Variants in PPP6R3 observed in about 807,000 individuals in gnomAD.
PPP6R3 encodes serine/threonine-protein phosphatase 6 regulatory subunit 3.
PPP6R3 carries 38 observed loss-of-function variants against 110.7 expected under a neutral mutation model. The ratio of observed to expected loss-of-function variants is 0.34; its 90% CI spans 0.26 to 0.45. The LOEUF (loss-of-function observed/expected upper bound fraction) is 0.45. Among genes scored for constraint, PPP6R3 ranks in the 20% least tolerant of loss-of-function variants. The pLI is 1.00. For synonymous variants in PPP6R3, 369 were observed against 373.5 expected, an observed-to-expected ratio of 0.99 and a Z score of 0.14; for missense variants, 870 against 1,062.4, an observed-to-expected ratio of 0.82 and a Z score of 2.52.
At chr11:68,580,746 C>CTTTTTTTTTTTTTTTTTTTTTTTTTT (rs71043441) in intron 14 of PPP6R3, among the ~76,000 whole-genome samples, 1 of 67,476 alleles carries the variant, frequency 1.5e-5, no homozygotes, top group Admixed American at 2.4e-4. Context: ...GGTAAATAAT[C>CTTTTTTTTTTTTTTTTTTTTTTTTTT]TTTTTTTTTT....
chr11:68,527,057 C>G (rs1377965637), intron 2 of PPP6R3, among the ~76,000 whole-genome samples: 1 of 152,142 alleles, frequency 6.6e-6, no homozygotes, highest in Non-Finnish European at 1.5e-5. Context: ...CATTTGCCTT[C>G]TGAGGGTTGT....
chr11:68,541,347 G>A, intron 3 of PPP6R3, among the ~76,000 whole-genome samples: 1 of 152,174 alleles, frequency 6.6e-6, no homozygotes, highest in Non-Finnish European at 1.5e-5. Flanking sequence ...GCAGTGATCA[G>A]CAGAGAAAAA....
Position 68,551,150 on chromosome 11 carries a change from G to C in PPP6R3, c.582G>C (p.Arg194Ser). Residue 194 changes from arginine to serine, a missense_variant, in exon 6 of 24, where the codon AGG becomes AGC. Physicochemically the swap from Arg to Ser is moderately radical, Grantham distance 110 (BLOSUM62 -1). Coordinates refer to ENST00000393800, the MANE Select transcript of PPP6R3 (RefSeq NM_001164161.2). ...NWLNEEKIIQRLVEIVHPSQE... is the reference protein window; with the variant it reads ...NWLNEEKIIQSLVEIVHPSQE... ...TAAATGAGGAGAAAATTATCCAGAG[G>C]CTTGTGGAAATAGTTCATCCATCGC... 1 of 1,611,384 alleles carries C rather than the reference G, an allele frequency of 6.2e-7. No individual in the cohort carries two copies. The highest frequency in any genetic ancestry group is 8.5e-7 in the Non-Finnish European group (1 of 1,178,144).
At chr11:68,506,783 T>C (rs558169171) in intron 1 of PPP6R3, among the ~76,000 whole-genome samples, 1 of 152,324 alleles carries the variant, frequency 6.6e-6, no homozygotes, top group East Asian at 1.9e-4. Flanking sequence ...AATAACCATT[T>C]GATTGCCAAG....
chr11:68,548,040 T>G, intron 4 of PPP6R3, 27 bp from the exon 5 acceptor site: 1 of 1,599,260 alleles, frequency 6.3e-7, no homozygotes, highest in Non-Finnish European at 8.5e-7. Flanking sequence ...TTACATGTCT[T>G]TCAGTTTCTG....
At chr11:68,475,068 T>C (rs1457830365) in intron 1 of PPP6R3, among the ~76,000 whole-genome samples, 1 of 152,320 alleles carries the variant, frequency 6.6e-6, no homozygotes, top group South Asian at 2.1e-4. Context: ...TGCGGCCCTC[T>C]GCAGTGTTTG....
chr11:68,565,814 T>C (rs2099462719), intron 9 of PPP6R3, among the ~76,000 whole-genome samples: 1 of 151,134 alleles, frequency 6.6e-6, no homozygotes, highest in South Asian at 2.1e-4. Flanking sequence ...CTGGTTTTAC[T>C]GTATGATGTG....
intron 8 of PPP6R3, among the ~76,000 whole-genome samples, chr11:68,560,956 G>C (rs1479558641): frequency 6.8e-6 from 1 of 146,770 alleles, no homozygotes; most frequent in East Asian, 2.0e-4. Context: ...GAGTGCAGTG[G>C]TGCGATCTCG....
intron 1 of PPP6R3, among the ~76,000 whole-genome samples, chr11:68,490,188 C>G (rs1219830768): frequency 6.6e-6 from 1 of 152,024 alleles, no homozygotes; most frequent in Non-Finnish European, 1.5e-5. Flanking sequence ...TTGAAGGATA[C>G]TTTTTCAGGG....
intron 1 of PPP6R3, among the ~76,000 whole-genome samples, chr11:68,516,364 A>G (rs565530073): frequency 6.6e-6 from 1 of 152,332 alleles, no homozygotes; most frequent in African/African-American, 2.4e-5. Context: ...CACACAATAC[A>G]CAGTTAATTT....
At chr11:68,527,973 A>G (rs1433387400) in intron 2 of PPP6R3, among the ~76,000 whole-genome samples, 1 of 152,126 alleles carries the variant, frequency 6.6e-6, no homozygotes, top group Non-Finnish European at 1.5e-5. Flanking sequence ...GGCTCAACTT[A>G]GGCTTGATAT....
chr11:68,512,191 A>G (rs2153538230), intron 1 of PPP6R3, among the ~76,000 whole-genome samples: 1 of 152,350 alleles, frequency 6.6e-6, no homozygotes, highest in African/African-American at 2.4e-5. Context: ...CCATAACAAA[A>G]TATCATAGGC....
rs1164439778 is a variant in PPP6R3 at position 68,493,638 on chromosome 11, A to T, written c.-157-25863A>T. 8.8e-5 allele frequency among the ~76,000 whole-genome samples: 11 copies of T among 125,660 alleles called. No homozygotes were observed. The South Asian group carries it at 8.9e-4, about 10-fold the overall frequency. The allele number at this position is 125,660 out of a possible 152,430, so 82.4% of individuals were successfully genotyped here. On this transcript the variant is annotated intron_variant, in intron 1 of 23. Transcript: ENST00000393800. ...AACCATATATATATATATATATATAAAATATATATACAAAAAAATACACAC... is the reference window on the plus strand; with the variant it reads ...AACCATATATATATATATATATATATAATATATATACAAAAAAATACACAC...
chr11:68,562,219 A>G (rs1375299688), intron 8 of PPP6R3, among the ~76,000 whole-genome samples: 4 of 152,246 alleles, frequency 2.6e-5, no homozygotes, highest in African/African-American at 9.6e-5. Context: ...AAAAGAAAAT[A>G]CTAAGATACA....
chr11:68,461,255 C>G (rs2098704030), intron 1 of PPP6R3, among the ~76,000 whole-genome samples: 1 of 151,846 alleles, frequency 6.6e-6, no homozygotes, highest in African/African-American at 2.4e-5. Context: ...CCGGGGGCCT[C>G]GGGGAGCGCG....
intron 1 of PPP6R3, among the ~76,000 whole-genome samples, chr11:68,507,233 G>C (rs1420550811): frequency 6.9e-6 from 1 of 145,622 alleles, no homozygotes; most frequent in East Asian, 2.0e-4. Context: ...ACTTTTCACA[G>C]TAGTCTTTTT....
chr11:68,555,805 A>T (rs1425707361), intron 7 of PPP6R3, among the ~76,000 whole-genome samples: 1 of 152,260 alleles, frequency 6.6e-6, no homozygotes, highest in African/African-American at 2.4e-5. Context: ...CATGGACCTG[A>T]TGAATCAATG....
chr11:68,529,188 A>G (rs756073422), intron 2 of PPP6R3, among the ~76,000 whole-genome samples: 147 of 152,280 alleles, frequency 9.7e-4, no homozygotes, highest in Non-Finnish European at 1.8e-3. Context: ...AATGAAATCA[A>G]TTCTCAGAGA....
intron 16 of PPP6R3, among the ~76,000 whole-genome samples, chr11:68,589,528 A>T (rs997278193): frequency 2.0e-5 from 3 of 152,226 alleles, no homozygotes; most frequent in African/African-American, 7.2e-5. Context: ...GATAGAAGAG[A>T]TTTATAAACA....
Sources: gnomAD v4.1 joint callset for allele counts (sites outside exome capture counted in the v4.1 genomes callset) on GRCh38, gnomAD v4.1.1 for gene constraint, MANE v1.5 for transcripts, NCBI Gene and HGNC (gene_info 2026-07-23, HGNC 2026-07-21) for gene names.